Variants in RBFOX3 observed in about 807,000 individuals in gnomAD.
The protein encoded by RBFOX3 is RNA binding protein fox-1 homolog 3.
In RBFOX3, 17 loss-of-function variants were observed where a neutral mutation model predicts 48.7. That is an observed-to-expected ratio of 0.35 (90% confidence interval 0.24 to 0.52). The LOEUF (loss-of-function observed/expected upper bound fraction) is 0.52. Ranked by LOEUF, RBFOX3 falls within the 20% of genes least tolerant of loss-of-function variation. The pLI is 0.94. For synonymous variants in RBFOX3, 212 were observed against 209.5 expected (o/e 1.01, Z -0.10); for missense variants, 382 against 497.5 (o/e 0.77, Z 2.21).
At chr17:79,586,281 G>A (rs1312878827) in intron 1 of RBFOX3, among the ~76,000 whole-genome samples, 1 of 152,198 alleles carries the variant, frequency 6.6e-6, no homozygotes, top group Non-Finnish European at 1.5e-5. Context: ...GAGCAAGCCT[G>A]AGTGAGCCTG....
At chr17:79,427,177 G>T (rs2067542265) in intron 2 of RBFOX3, among the ~76,000 whole-genome samples, 1 of 152,196 alleles carries the variant, frequency 6.6e-6, no homozygotes, top group African/African-American at 2.4e-5. Flanking sequence ...TGCGGACGGG[G>T]GGCCCCTGCC....
intron 2 of RBFOX3, among the ~76,000 whole-genome samples, chr17:79,448,552 G>A (rs1246455741): frequency 6.6e-6 from 1 of 152,200 alleles, no homozygotes; most frequent in Non-Finnish European, 1.5e-5. Flanking sequence ...CCGAGAAGCT[G>A]GAGGAGGCAG....
chr17:79,329,854 G>A (rs1354099684), intron 2 of RBFOX3, among the ~76,000 whole-genome samples: 1 of 152,134 alleles, frequency 6.6e-6, no homozygotes, highest in East Asian at 1.9e-4. Context: ...TTAGCCTGGT[G>A]TCACCAAGGG....
chr17:79,388,024 G>A (rs771548568), intron 2 of RBFOX3, among the ~76,000 whole-genome samples: 4 of 151,844 alleles, frequency 2.6e-5, no homozygotes, highest in Non-Finnish European at 5.9e-5. Flanking sequence ...GTGCATGCAA[G>A]TGGATATGAA....
At chr17:79,650,989 G>A in the RBFOX3 span, among the ~76,000 whole-genome samples, 3,035 of 152,284 alleles carry the variant, frequency 0.02, 119 homozygotes, top group African/African-American at 0.07. Context: ...CCTGAGGTGG[G>A]GCATAAACAC....
At position 79,220,604 on chromosome 17, in the gene RBFOX3, T is replaced by G. The variant is rs989427194; in HGVS notation, c.-34+15162A>C. Among the ~76,000 whole-genome samples the G allele has an allele frequency of 6.6e-6, 1 of 151,676 alleles. No individual in the cohort carries two copies. Among genetic ancestry groups the G allele is most frequent in the Non-Finnish European group, 1.5e-5 (1 of 67,934 alleles). Reference sequence around the variant, plus strand: ...AGCAGGGGACCCAGGGGAGGGTGTGTGTGTGTGTGTGTCGGGGGGACACAA... The same window carrying G: ...AGCAGGGGACCCAGGGGAGGGTGTGGGTGTGTGTGTGTCGGGGGGACACAA... On this transcript the variant is annotated intron_variant, in intron 4 of 14. Transcript: ENST00000693108. The surrounding 1 kb of genome is among the most constrained non-coding windows in gnomAD (Gnocchi z 5.9).
intron 2 of RBFOX3, among the ~76,000 whole-genome samples, chr17:79,321,429 C>G (rs1037264916): frequency 1.3e-5 from 2 of 152,204 alleles, no homozygotes; most frequent in Non-Finnish European, 2.9e-5. Context: ...CCCCAACACG[C>G]CCACTCCTAA....
At chr17:79,383,564 C>CAA (rs370315857) in intron 2 of RBFOX3, among the ~76,000 whole-genome samples, 1 of 152,058 alleles carries the variant, frequency 6.6e-6, no homozygotes, top group East Asian at 1.9e-4. Flanking sequence ...GAGTACCCCC[C>CAA]CGATGGCTGC....
At chr17:79,603,191 C>T (rs1345087806) in intron 1 of RBFOX3, among the ~76,000 whole-genome samples, 1 of 152,066 alleles carries the variant, frequency 6.6e-6, no homozygotes, top group South Asian at 2.1e-4. Context: ...GGGGTTTCAC[C>T]ATGTTGACCA....
intron 4 of RBFOX3, among the ~76,000 whole-genome samples, chr17:79,119,119 A>G (rs916080675): frequency 2.0e-5 from 3 of 152,160 alleles, no homozygotes; most frequent in Non-Finnish European, 4.4e-5. Context: ...ACAGCTGCCA[A>G]TCACTCTCAC....
At position 79,214,933 on chromosome 17, in the gene RBFOX3, T is replaced by C. The variant is rs1217185380; in HGVS notation, c.-34+20833A>G. 6.6e-6 allele frequency among the ~76,000 whole-genome samples: 1 copy of C among 152,234 alleles called. No homozygotes were observed. The highest frequency in any genetic ancestry group is 2.4e-5 in the African/African-American group (1 of 41,462). ...AATTACCGCTAATTTGGAGACGTTC[T>C]GCCTTGGCATCTTCGCCTGGTGCCG... On this transcript the variant is annotated intron_variant, in intron 4 of 14. Transcript: ENST00000693108. The surrounding 1 kb of genome is among the most constrained non-coding windows in gnomAD (Gnocchi z 4.7).
In RBFOX3 at chr17:79,115,702, T is replaced by TAGGGGGGGGGGGGGGA; in HGVS notation, c.13_14insTCCCCCCCCCCCCCCT (p.Tyr5PhefsTer134). ...CGGAGGGGGGTACTGGGCGGGGGGG[T>TAGGGGGGGGGGGGGGA]AGGGCTGGGCCATCGCTTCAGGCGG... On this transcript the variant is annotated frameshift_variant, in exon 5 of 15. Transcript: ENST00000693108. LOFTEE classifies it high-confidence loss of function. The TAGGGGGGGGGGGGGGA allele has an allele frequency of 2.7e-6, 1 of 375,680 alleles. No homozygotes were observed. The highest frequency in any genetic ancestry group is 6.5e-5 in the East Asian group (1 of 15,408). The allele number at this position is 375,680 out of a possible 1,614,324, so 23.3% of individuals were successfully genotyped here.
At chr17:79,239,247 G>GC (rs1427745315) in intron 3 of RBFOX3, among the ~76,000 whole-genome samples, 1 of 152,104 alleles carries the variant, frequency 6.6e-6, no homozygotes, top group African/African-American at 2.4e-5. Context: ...AAGGAGAGAG[G>GC]CCCCCCAGGT....
At chr17:79,519,761 C>T (rs909641047) in intron 1 of RBFOX3, among the ~76,000 whole-genome samples, 3 of 152,174 alleles carry the variant, frequency 2.0e-5, no homozygotes, top group Non-Finnish European at 4.4e-5. Context: ...TGGTCAGTCA[C>T]GTCTCCATGA....
At chr17:79,440,228 C>T (rs2070581260) in intron 2 of RBFOX3, among the ~76,000 whole-genome samples, 1 of 152,256 alleles carries the variant, frequency 6.6e-6, no homozygotes, top group Non-Finnish European at 1.5e-5. Context: ...GGGTTAATAG[C>T]GTCCGTCTGA....
intron 2 of RBFOX3, among the ~76,000 whole-genome samples, chr17:79,451,295 G>A (rs2073446973): frequency 1.3e-5 from 2 of 152,328 alleles, no homozygotes; most frequent in Non-Finnish European, 2.9e-5. Flanking sequence ...TCAGTCAAGT[G>A]CAGTCAACCC....
rs556752006 is a variant in RBFOX3, at chr17:79,391,846, G to A, written c.-174-84022C>T. ...ACAGCACACCCCCGCTCTGATCCTC[G>A]GTTTCCGAATCTGTTAAAAAAAAAA... On this transcript the variant is annotated intron_variant, in intron 2 of 14. Transcript: ENST00000693108. This position sits in a 1 kb window ranked among gnomAD's most constrained non-coding sequence, Gnocchi z 5.0. 5.9e-4 allele frequency among the ~76,000 whole-genome samples: 90 copies of A among 151,598 alleles called. 1 individual carries two copies. Among genetic ancestry groups the A allele is most frequent in the African/African-American group, 2.2e-3 (89 of 41,292 alleles).
chr17:79,597,678 G>T (rs971818219), intron 1 of RBFOX3, among the ~76,000 whole-genome samples: 1 of 152,170 alleles, frequency 6.6e-6, no homozygotes, highest in African/African-American at 2.4e-5. Flanking sequence ...CTGCATCCAC[G>T]GTCACCTACT....
chr17:79,227,989 C>T (rs1230424302), intron 4 of RBFOX3, among the ~76,000 whole-genome samples: 2 of 152,192 alleles, frequency 1.3e-5, no homozygotes, highest in Non-Finnish European at 2.9e-5. Flanking sequence ...GACAAGGGGC[C>T]CTGCGGTCAG....
Sources: allele counts gnomAD v4.1 joint callset (sites outside exome capture counted in the v4.1 genomes callset), GRCh38; gene constraint gnomAD v4.1.1; non-coding constraint Gnocchi (gnomAD v3.1); transcripts MANE v1.5; gene names NCBI Gene and HGNC (gene_info 2026-07-23, HGNC 2026-07-21).